FTO: variants seen among roughly 807,000 people sequenced by gnomAD.
The protein encoded by FTO is FTO alpha-ketoglutarate dependent dioxygenase, also known as alpha-ketoglutarate-dependent dioxygenase FTO.
Under a neutral mutation model 63.9 loss-of-function variants are expected in FTO, and 47 were observed. The observed-to-expected ratio is 0.74, with a 90% CI of 0.58 to 0.94. FTO has a LOEUF of 0.94. Among genes scored for constraint, FTO ranks in the 40% least tolerant of loss-of-function variants. The probability of loss-of-function intolerance (pLI) is 0.00; values close to 1 mark genes in which losing one functional copy is unlikely to be tolerated. For missense variants in FTO, 562 were observed against 618.1 expected, an observed-to-expected ratio of 0.91 and a Z score of 0.96; for synonymous variants, 207 against 224.4, an observed-to-expected ratio of 0.92 and a Z score of 0.69.
At chr16:53,876,733 C>A (rs760841604) in intron 5 of FTO, among the ~76,000 whole-genome samples, 2 of 152,154 alleles carry the variant, frequency 1.3e-5, no homozygotes, top group African/African-American at 4.8e-5. Flanking sequence ...TCAAGACCAG[C>A]CTGGCCAACA....
At chr16:54,053,397 A>G (rs1380960976) in intron 8 of FTO, among the ~76,000 whole-genome samples, 1 of 151,928 alleles carries the variant, frequency 6.6e-6, no homozygotes, top group East Asian at 1.9e-4. Context: ...TCCCTCTTTC[A>G]GTTTCCAAAG....
intron 1 of FTO, among the ~76,000 whole-genome samples, chr16:53,719,349 A>G (rs1390185614): frequency 6.8e-6 from 1 of 148,070 alleles, no homozygotes; most frequent in Non-Finnish European, 1.5e-5. Flanking sequence ...CTCCTGCTTC[A>G]GCCCCCCGAG....
At chr16:53,860,101 A>G (rs950133791) in intron 4 of FTO, among the ~76,000 whole-genome samples, 1 of 152,220 alleles carries the variant, frequency 6.6e-6, no homozygotes, top group Non-Finnish European at 1.5e-5. Context: ...CTATATCTAC[A>G]CACACATACC....
chr16:53,711,133 A>G (rs946067920), intron 1 of FTO, among the ~76,000 whole-genome samples: 5 of 152,080 alleles, frequency 3.3e-5, no homozygotes, highest in African/African-American at 1.2e-4. Flanking sequence ...ACTACTGCCT[A>G]TCTGACCCCA....
At chr16:53,834,280 T>G (rs1038789610) in intron 3 of FTO, among the ~76,000 whole-genome samples, 2 of 152,164 alleles carry the variant, frequency 1.3e-5, no homozygotes, top group Non-Finnish European at 2.9e-5. Flanking sequence ...TGTCTCGGCC[T>G]CCCAAAGTGC....
chr16:54,011,217 A>G (rs931514741), intron 8 of FTO, among the ~76,000 whole-genome samples: 9 of 152,266 alleles, frequency 5.9e-5, no homozygotes, highest in African/African-American at 1.9e-4. Context: ...ACATATAGTC[A>G]TAATATCCAT....
chr16:53,986,283 G>A (rs1026208484), intron 8 of FTO, among the ~76,000 whole-genome samples: 5 of 152,184 alleles, frequency 3.3e-5, no homozygotes, highest in African/African-American at 4.8e-5. Flanking sequence ...GAGAGTGAAC[G>A]TTACCCAGCA....
chr16:54,025,539 A>G (rs1424375084), intron 8 of FTO, among the ~76,000 whole-genome samples: 1 of 152,054 alleles, frequency 6.6e-6, no homozygotes, highest in Non-Finnish European at 1.5e-5. Flanking sequence ...CCTGGCCAAC[A>G]TGGTGAAATC....
At chr16:53,835,735 C>G (rs1274671684) in intron 3 of FTO, among the ~76,000 whole-genome samples, 1 of 151,978 alleles carries the variant, frequency 6.6e-6, no homozygotes, top group Non-Finnish European at 1.5e-5. Flanking sequence ...TTATTTCTTC[C>G]TCTCCAGTTT....
chr16:54,067,279 G>A (rs2144425819), intron 8 of FTO, among the ~76,000 whole-genome samples: 1 of 152,162 alleles, frequency 6.6e-6, no homozygotes, highest in African/African-American at 2.4e-5. Flanking sequence ...GCAAAAACCA[G>A]CCAACATGAA....
At chr16:53,738,483 C>T (rs1233523312) in intron 1 of FTO, among the ~76,000 whole-genome samples, 1 of 152,136 alleles carries the variant, frequency 6.6e-6, no homozygotes, top group Non-Finnish European at 1.5e-5. Context: ...CCCACGTTAT[C>T]TCATTCATTA....
chr16:53,950,943 T>A (rs2082784622), intron 8 of FTO, among the ~76,000 whole-genome samples: 1 of 152,214 alleles, frequency 6.6e-6, no homozygotes, highest in Non-Finnish European at 1.5e-5. Flanking sequence ...CAAACAGCTG[T>A]GTTGGCTTTA....
chr16:53,908,046 G>T (rs552831161), intron 7 of FTO, among the ~76,000 whole-genome samples: 1 of 152,144 alleles, frequency 6.6e-6, no homozygotes, highest in Non-Finnish European at 1.5e-5. Context: ...GTGGTTTTTG[G>T]TCATATAATT....
At chr16:53,881,454 G>T (rs931212368) in intron 6 of FTO, among the ~76,000 whole-genome samples, 1 of 152,150 alleles carries the variant, frequency 6.6e-6, no homozygotes, top group African/African-American at 2.4e-5. Context: ...AAACATCCTT[G>T]CAATGAGAGT....
chr16:54,016,963 G>C (rs1364502682), intron 8 of FTO, among the ~76,000 whole-genome samples: 5 of 152,114 alleles, frequency 3.3e-5, no homozygotes, highest in Admixed American at 2.6e-4. Context: ...ACTCAATCTT[G>C]ATTATTTGTT....
chr16:54,059,347 C>T (rs1312204859), intron 8 of FTO, among the ~76,000 whole-genome samples: 3 of 152,188 alleles, frequency 2.0e-5, no homozygotes. Flanking sequence ...GCATAATTCA[C>T]CTAGTCATCT....
At chr16:53,848,633 T>G (rs1233661076) in intron 4 of FTO, among the ~76,000 whole-genome samples, 1 of 152,224 alleles carries the variant, frequency 6.6e-6, no homozygotes, top group Admixed American at 6.5e-5. Context: ...CAGAGTAGGA[T>G]GATTTACTTT....
intron 1 of FTO, among the ~76,000 whole-genome samples, chr16:53,730,366 A>G (rs897120149): frequency 6.6e-6 from 1 of 152,160 alleles, no homozygotes; most frequent in Admixed American, 6.5e-5. Context: ...CAAAGAAGAT[A>G]GTATTAAATT....
intron 1 of FTO, among the ~76,000 whole-genome samples, chr16:53,711,027 G>A (rs757886467): frequency 6.6e-5 from 10 of 150,458 alleles, no homozygotes; most frequent in Non-Finnish European, 1.2e-4. Flanking sequence ...TTCTGGTAGG[G>A]ATTGAGATAT....
Sources: gnomAD v4.1 joint callset for allele counts (sites outside exome capture counted in the v4.1 genomes callset) on GRCh38, gnomAD v4.1.1 for gene constraint, MANE v1.5 for transcripts, NCBI Gene and HGNC (gene_info 2026-07-23, HGNC 2026-07-21) for gene names.